Variants in DCC observed in about 807,000 individuals in gnomAD.
The protein encoded by DCC is netrin receptor DCC.
DCC carries 58 observed loss-of-function variants against 172.5 expected under a neutral mutation model. The observed-to-expected ratio is 0.34, with a 90% confidence interval of 0.27 to 0.42. DCC has a LOEUF of 0.42. DCC is among the 10% of genes least tolerant of loss of function. The pLI, the probability that DCC is intolerant of heterozygous loss-of-function variation, is 1.00. For missense variants in DCC, 1,740 were observed against 1,791.0 expected, an observed-to-expected ratio of 0.97 and a Z score of 0.51; for synonymous variants, 709 against 644.5, an observed-to-expected ratio of 1.10 and a Z score of -1.52.
At chr18:52,530,046 G>T (rs193226969) in intron 1 of DCC, among the ~76,000 whole-genome samples, 3 of 152,142 alleles carry the variant, frequency 2.0e-5, no homozygotes, top group African/African-American at 4.8e-5. Flanking sequence ...GCAATTAAAC[G>T]TTAATATATT....
intron 5 of DCC, among the ~76,000 whole-genome samples, chr18:52,938,042 G>A (rs574114654): frequency 6.6e-6 from 1 of 152,034 alleles, no homozygotes; most frequent in Non-Finnish European, 1.5e-5. Context: ...CTTTATAAGT[G>A]GCATCATAAT....
chr18:52,720,575 TG>T (rs1294311338), intron 1 of DCC, among the ~76,000 whole-genome samples: 2 of 152,226 alleles, frequency 1.3e-5, no homozygotes, highest in Non-Finnish European at 2.9e-5. Flanking sequence ...GGAAGCTGTG[TG>T]GCACACTGTT....
intron 2 of DCC, among the ~76,000 whole-genome samples, chr18:52,815,886 C>G (rs957884556): frequency 6.6e-6 from 1 of 152,148 alleles, no homozygotes; most frequent in African/African-American, 2.4e-5. Context: ...CATGGAATGA[C>G]AGAATGTGTC....
chr18:52,700,909 A>T (rs1049097259), intron 1 of DCC, among the ~76,000 whole-genome samples: 1 of 152,230 alleles, frequency 6.6e-6, no homozygotes, highest in Non-Finnish European at 1.5e-5. Context: ...CTAGCATTGC[A>T]AGTACAAAAT....
intron 1 of DCC, among the ~76,000 whole-genome samples, chr18:52,705,997 A>G (rs896105300): frequency 6.6e-6 from 1 of 152,146 alleles, no homozygotes; most frequent in African/African-American, 2.4e-5. Flanking sequence ...GTGGATAGAG[A>G]GGATGCCCCA....
At chr18:53,002,732 T>A (rs2041585513) in intron 5 of DCC, among the ~76,000 whole-genome samples, 2 of 152,162 alleles carry the variant, frequency 1.3e-5, no homozygotes, top group African/African-American at 4.8e-5. Flanking sequence ...TATGTATACA[T>A]GTGCCAGATA....
intron 5 of DCC, among the ~76,000 whole-genome samples, chr18:52,930,654 T>C (rs2040293757): frequency 2.0e-5 from 3 of 152,132 alleles, no homozygotes; most frequent in Admixed American, 2.0e-4. Flanking sequence ...TAAGATTTCA[T>C]TTTATAGTTT....
intron 1 of DCC, among the ~76,000 whole-genome samples, chr18:52,507,417 A>C (rs2031272451): frequency 6.6e-6 from 1 of 152,228 alleles, no homozygotes; most frequent in African/African-American, 2.4e-5. Context: ...GAGATTAAGC[A>C]TTTGCATTCT....
intron 2 of DCC, among the ~76,000 whole-genome samples, chr18:52,796,781 G>A (rs758075105): frequency 1.6e-4 from 25 of 152,120 alleles, no homozygotes; most frequent in Non-Finnish European, 3.1e-4. Flanking sequence ...TGACAATAAT[G>A]TGGCTTGGAG....
intron 8 of DCC, among the ~76,000 whole-genome samples, chr18:53,168,866 A>T (rs1479246154): frequency 6.6e-6 from 1 of 152,114 alleles, no homozygotes; most frequent in Non-Finnish European, 1.5e-5. Context: ...ACCTTGTTCC[A>T]TGGAGGTGAG....
intron 17 of DCC, among the ~76,000 whole-genome samples, chr18:53,392,687 G>T (rs1453799399): frequency 6.6e-6 from 1 of 152,162 alleles, no homozygotes; most frequent in African/African-American, 2.4e-5. Context: ...TCAACAAGTA[G>T]TTGTCAAGAA....
chr18:52,905,179 G>A (rs529495531), intron 2 of DCC, among the ~76,000 whole-genome samples: 2 of 149,884 alleles, frequency 1.3e-5, no homozygotes, highest in Admixed American at 6.7e-5. Flanking sequence ...CAGTTTATTT[G>A]TTTTATTTTT....
intron 5 of DCC, 127 bp downstream of exon 5, chr18:52,925,497 A>G: frequency 1.1e-6 from 1 of 919,776 alleles, no homozygotes; most frequent in South Asian, 1.3e-5. Context: ...CCAATACTCC[A>G]CACATGTCCT....
intron 11 of DCC, among the ~76,000 whole-genome samples, chr18:53,212,758 C>T (rs556074578): frequency 2.0e-5 from 3 of 151,868 alleles, no homozygotes; most frequent in Admixed American, 1.3e-4. Flanking sequence ...GCAGCCTCCA[C>T]CTCCCAGGTT....
At chr18:52,642,092 ACACAC>A in intron 1 of DCC, among the ~76,000 whole-genome samples, 1 of 144,858 alleles carries the variant, frequency 6.9e-6, no homozygotes, top group African/African-American at 2.6e-5. Flanking sequence ...ACACACACAC[ACACAC>A]TCACACACAC....
intron 5 of DCC, among the ~76,000 whole-genome samples, chr18:53,023,419 A>C (rs2041912330): frequency 3.1e-5 from 3 of 95,714 alleles, no homozygotes; most frequent in African/African-American, 1.1e-4. Flanking sequence ...AAAAAAAAAA[A>C]AAAAAAAAAA....
rs555356115 is a variant in DCC at position 52,371,660 on chromosome 18, A to G, written c.91+30782A>G. ...CCGCCTGCTTCTTCTCTGGGTGTGC[A>G]AAGCAATGTATGGAGTTCGTTTGTC... is the stretch of plus-strand genomic sequence containing the variant. On this transcript the variant is annotated intron_variant, in intron 1 of 28. Coordinates refer to ENST00000442544, the MANE Select transcript of DCC (RefSeq NM_005215.4). 2.0e-5 allele frequency among the ~76,000 whole-genome samples: 3 copies of G among 152,206 alleles called. No individual in the cohort carries two copies. In the East Asian group the frequency reaches 5.8e-4, roughly 29 times the overall value.
intron 9 of DCC, among the ~76,000 whole-genome samples, chr18:53,180,761 T>TC (rs1191355555): frequency 1.3e-5 from 2 of 152,234 alleles, no homozygotes; most frequent in East Asian, 3.9e-4. Flanking sequence ...CCTCCAAGGT[T>TC]CAAGCGATTC....
chr18:53,472,832 T>G (rs1014330289), intron 25 of DCC, among the ~76,000 whole-genome samples: 2 of 152,180 alleles, frequency 1.3e-5, no homozygotes, highest in African/African-American at 4.8e-5. Context: ...GGCTCCCATT[T>G]GTCTGCCAAG....
Sources: allele counts gnomAD v4.1 joint callset (sites outside exome capture counted in the v4.1 genomes callset), GRCh38; gene constraint gnomAD v4.1.1; transcripts MANE v1.5; gene names NCBI Gene and HGNC (gene_info 2026-07-23, HGNC 2026-07-21).